The following FAM13B variants were observed in gnomAD, a reference collection of about 807,000 sequenced individuals.
FAM13B encodes the protein family with sequence similarity 13 member B, also known as protein FAM13B.
In FAM13B, 60 loss-of-function variants were observed where a neutral mutation model predicts 117.3. The ratio of observed to expected loss-of-function variants is 0.51; its 90% CI spans 0.42 to 0.63. FAM13B has a LOEUF of 0.63. Ranked by LOEUF, FAM13B falls within the 30% of genes least tolerant of loss-of-function variation. FAM13B has a pLI of 0.00. For synonymous variants in FAM13B, 332 were observed against 356.1 expected (o/e 0.93, Z 0.76); for missense variants, 972 against 1,091.9 (o/e 0.89, Z 1.55).
Position 137,953,334 on chromosome 5 carries a change from A to G in FAM13B, c.1848+2T>C. ...TCACTCTGGGGAATGCTACAAACCT[A>G]CCTTGCTATTTCTTTCCCTTTCAAA... On this transcript the variant is annotated splice_donor_variant, in intron 16 of 23. Transcript: ENST00000689681. LOFTEE classifies it high-confidence loss of function. The G allele has an allele frequency of 6.2e-7, 1 of 1,613,768 alleles. No homozygotes were observed. The highest frequency in any genetic ancestry group is 8.5e-7 in the Non-Finnish European group (1 of 1,179,816).
At chr5:137,969,710 G>GA (rs1254650618) in intron 10 of FAM13B, among the ~76,000 whole-genome samples, 2 of 151,854 alleles carry the variant, frequency 1.3e-5, no homozygotes, top group African/African-American at 2.4e-5. Flanking sequence ...TGAAAACTTT[G>GA]AAAAAAATTT....
At chr5:137,966,488 T>TATATATAGAG (rs1461425784) in intron 10 of FAM13B, among the ~76,000 whole-genome samples, 47 of 29,466 alleles carry the variant, frequency 1.6e-3, no homozygotes, top group African/African-American at 3.1e-3. Context: ...TATATATATA[T>TATATATAGAG]AGAGAGAGAG....
At chr5:138,043,620 A>G (rs1791560407) in intron 1 of FAM13B, among the ~76,000 whole-genome samples, 1 of 151,792 alleles carries the variant, frequency 6.6e-6, no homozygotes, top group Admixed American at 6.6e-5. Flanking sequence ...TTTGTATTTT[A>G]GTAGAGACAG....
At chr5:137,970,494 C>T (rs544849686) in intron 10 of FAM13B, among the ~76,000 whole-genome samples, 69 of 152,146 alleles carry the variant, frequency 4.5e-4, no homozygotes, top group Middle Eastern at 3.4e-3. Flanking sequence ...CGGTACCAGC[C>T]ACTGCAAAAT....
At position 137,954,379 on chromosome 5, in the gene FAM13B, A is replaced by G. The variant is rs367912622; in HGVS notation, c.1508-3T>C. 1.9e-6 allele frequency: 3 copies of G among 1,610,864 alleles called. No individual in the cohort carries two copies. Among genetic ancestry groups the G allele is most frequent in the Non-Finnish European group, 2.5e-6 (3 of 1,178,194 alleles). ...AGACTTAAAAGCAGGAAATGGCTCT[A>G]TAAAACAAACACAAAGAATAGTACC... On this transcript the variant is annotated splice_polypyrimidine_tract_variant and splice_region_variant and intron_variant, in intron 14 of 23. Transcript: ENST00000689681.
Position 138,000,245 on chromosome 5 carries a change from A to G in FAM13B, c.848+6745T>C, listed in dbSNP as rs567514300. On this transcript the variant is annotated intron_variant, in intron 7 of 23. Transcript: ENST00000689681. ...AGACCTTGTATTTACAACAAATATA[A>G]AATATTAGTCAGGCATGGTGCTGCA... Among the ~76,000 whole-genome samples the G allele has an allele frequency of 3.9e-5, 6 of 152,146 alleles. No homozygotes were observed. In the East Asian group the frequency reaches 9.7e-4, roughly 25 times the overall value.
intron 7 of FAM13B, among the ~76,000 whole-genome samples, chr5:138,003,051 T>G (rs775046365): frequency 6.6e-6 from 1 of 152,070 alleles, no homozygotes; most frequent in Non-Finnish European, 1.5e-5. Flanking sequence ...ACTTATGAAA[T>G]GGCATGCATT....
intron 20 of FAM13B, among the ~76,000 whole-genome samples, chr5:137,944,742 A>G (rs1294185284): frequency 7.4e-6 from 1 of 135,542 alleles, no homozygotes; most frequent in African/African-American, 2.8e-5. Context: ...TGGATGACAG[A>G]GCGAGACTCC....
At chr5:138,026,864 G>A (rs900024103) in intron 1 of FAM13B, among the ~76,000 whole-genome samples, 2 of 150,944 alleles carry the variant, frequency 1.3e-5, no homozygotes, top group African/African-American at 2.4e-5. Flanking sequence ...GCTTGAACCC[G>A]GGAGGCGGAG....
At chr5:137,964,427 A>T (rs1390913906) in intron 10 of FAM13B, among the ~76,000 whole-genome samples, 2 of 149,294 alleles carry the variant, frequency 1.3e-5, no homozygotes, top group Non-Finnish European at 3.0e-5. Flanking sequence ...CAATATTTAA[A>T]ATGAACCTTG....
intron 1 of FAM13B, among the ~76,000 whole-genome samples, chr5:138,040,291 C>T (rs1444287708): frequency 3.1e-5 from 4 of 130,866 alleles, no homozygotes; most frequent in South Asian, 5.1e-4. Flanking sequence ...AAAAAAAGGC[C>T]GGGCACGGTG....
intron 1 of FAM13B, among the ~76,000 whole-genome samples, chr5:138,044,425 G>A (rs186641246): frequency 1.3e-3 from 194 of 151,848 alleles, no homozygotes; most frequent in African/African-American, 3.5e-3. Context: ...GGTGGCACAC[G>A]CCTGTAATTC....
chr5:138,011,496 G>A (rs2150900056), intron 5 of FAM13B, among the ~76,000 whole-genome samples: 1 of 151,732 alleles, frequency 6.6e-6, no homozygotes, highest in African/African-American at 2.4e-5. Context: ...TCGGCTCACT[G>A]CAAGCTCCGC....
At chr5:138,035,991 G>A (rs1233748516), upstream of FAM13B, among the ~76,000 whole-genome samples, 1 of 151,976 alleles carries the variant, frequency 6.6e-6, no homozygotes, top group Non-Finnish European at 1.5e-5. Context: ...TTCTTTCCAC[G>A]CACCTCCAAC....
At chr5:138,040,922 G>A (rs1791480222) in intron 1 of FAM13B, among the ~76,000 whole-genome samples, 1 of 151,826 alleles carries the variant, frequency 6.6e-6, no homozygotes, top group African/African-American at 2.4e-5. Context: ...AAATTAGCTG[G>A]GTGTGGTGGC....
intron 7 of FAM13B, among the ~76,000 whole-genome samples, chr5:137,998,966 T>C (rs192733304): frequency 2.0e-4 from 31 of 152,246 alleles, no homozygotes; most frequent in African/African-American, 6.5e-4. Context: ...GGCAGAAGAG[T>C]ATGGTACCAG....
At position 138,018,508 on chromosome 5, in the gene FAM13B, A is replaced by G; in HGVS notation, c.164T>C (p.Leu55Pro). 1 of 1,614,006 alleles carries G rather than the reference A, an allele frequency of 6.2e-7. No individual in the cohort carries two copies. Among genetic ancestry groups the G allele is most frequent in the Non-Finnish European group, 8.5e-7 (1 of 1,179,934 alleles). The change falls in exon 4 of 24, where the codon CTG (leucine) becomes CCG (proline). Residue 55 changes from leucine (L) to proline (P), a missense_variant. By Grantham distance (98) the Leu-to-Pro change is moderately conservative. Transcript: ENST00000689681. The stretch of plus-strand genomic sequence containing the variant: ...GACTTGAAAAAGTCCTTGTTGCTCC[A>G]GACCTCCTACGTTAGTTCAAGGCAA... ...VVDYIEEHGG[L>P]EQQGLFQVNG...
intron 1 of FAM13B, among the ~76,000 whole-genome samples, chr5:138,025,622 C>T (rs1263081866): frequency 6.6e-6 from 1 of 152,058 alleles, no homozygotes; most frequent in Non-Finnish European, 1.5e-5. Flanking sequence ...TACAAAAATA[C>T]ACATACATAG....
rs372343461 is a variant in FAM13B at position 137,956,506 on chromosome 5, T to C, written c.1478A>G (p.Lys493Arg). Residue 493 changes from lysine to arginine, a missense_variant, in exon 14 of 24, where the codon AAA becomes AGA. Physicochemically the swap from Lys to Arg is conservative, Grantham distance 26 (BLOSUM62 2). Transcript: ENST00000689681. Reference sequence around the variant, plus strand: ...CCCATCTCTCTGCAGATGCATTGTTTTGAAATCAATGAGGGGAAAAGTGAT... The same window carrying C: ...CCCATCTCTCTGCAGATGCATTGTTCTGAAATCAATGAGGGGAAAAGTGAT... ...CPITFPLIDFKTMHLQRDGEE... is the reference protein window; with the variant it reads ...CPITFPLIDFRTMHLQRDGEE... 8.7e-6 allele frequency: 14 copies of C among 1,601,582 alleles called. No homozygotes were observed. The highest frequency in any genetic ancestry group is 1.2e-5 in the Non-Finnish European group (14 of 1,173,714).
Sources: allele counts gnomAD v4.1 joint callset (sites outside exome capture counted in the v4.1 genomes callset), GRCh38; gene constraint gnomAD v4.1.1; transcripts MANE v1.5; gene names NCBI Gene and HGNC (gene_info 2026-07-23, HGNC 2026-07-21).